Variants in ENTREP2 observed in about 807,000 individuals in gnomAD.
ENTREP2 encodes the protein endosomal transmembrane epsin interactor 2.
chr15:29,396,162 CATTATT>C, the ENTREP2 span, among the ~76,000 whole-genome samples: 3 of 152,102 alleles, frequency 2.0e-5, no homozygotes, highest in Non-Finnish European at 4.4e-5. Context: ...ATATACAGCA[CATTATT>C]ATTAAGTATA....
chr15:29,392,685 G>A, the ENTREP2 span, among the ~76,000 whole-genome samples: 1 of 152,170 alleles, frequency 6.6e-6, no homozygotes, highest in Non-Finnish European at 1.5e-5. Context: ...CTGTGCTACT[G>A]AATCTGTGAA....
chr15:29,355,830 A>T, the ENTREP2 span, among the ~76,000 whole-genome samples: 1 of 152,216 alleles, frequency 6.6e-6, no homozygotes, highest in African/African-American at 2.4e-5. Context: ...TCAGATAGTA[A>T]GCAAATGATG....
chr15:29,494,298 GA>G, the ENTREP2 span, among the ~76,000 whole-genome samples: 1 of 151,656 alleles, frequency 6.6e-6, no homozygotes, highest in Non-Finnish European at 1.5e-5. Context: ...CAGGTACCTA[GA>G]AAAAAACTAA....
the ENTREP2 span, among the ~76,000 whole-genome samples, chr15:29,585,358 C>A: frequency 1.4e-4 from 22 of 152,152 alleles, no homozygotes; most frequent in African/African-American, 5.3e-4. Context: ...TTGCGTGAAA[C>A]CCTCGAAAAA....
chr15:29,651,943 T>C, the ENTREP2 span, among the ~76,000 whole-genome samples: 1 of 152,104 alleles, frequency 6.6e-6, no homozygotes, highest in African/African-American at 2.4e-5. Context: ...ACCTTCTGGC[T>C]GGAGAAGATC....
chr15:29,650,547 C>T, the ENTREP2 span, among the ~76,000 whole-genome samples: 1 of 151,876 alleles, frequency 6.6e-6, no homozygotes, highest in Non-Finnish European at 1.5e-5. Flanking sequence ...GAGCCAAGAT[C>T]ACGCCATTGC....
the ENTREP2 span, among the ~76,000 whole-genome samples, chr15:29,338,205 G>A: frequency 0.022 from 3,359 of 152,012 alleles, 56 homozygotes; most frequent in African/African-American, 0.046. Context: ...ACAGTTTAGG[G>A]AGTGAGGAGT....
the ENTREP2 span, among the ~76,000 whole-genome samples, chr15:29,620,406 T>A: frequency 6.6e-6 from 1 of 152,080 alleles, no homozygotes; most frequent in Admixed American, 6.5e-5. Context: ...ACCTGGGCTG[T>A]GAAGCTTGTG....
chr15:29,486,706 CAAAA>C, the ENTREP2 span, among the ~76,000 whole-genome samples: 1 of 151,918 alleles, frequency 6.6e-6, no homozygotes, highest in African/African-American at 2.4e-5. Context: ...AACAAACAAA[CAAAA>C]AGAATGAAAT....
At chr15:29,428,658 C>T in the ENTREP2 span, among the ~76,000 whole-genome samples, 74 of 152,172 alleles carry the variant, frequency 4.9e-4, no homozygotes, top group Non-Finnish European at 8.2e-4. Context: ...GCCCAAATTC[C>T]AAATGTGTCA....
At chr15:29,157,507 T>C in the ENTREP2 span, among the ~76,000 whole-genome samples, 6 of 152,352 alleles carry the variant, frequency 3.9e-5, no homozygotes, top group East Asian at 9.7e-4. Flanking sequence ...GATTTATCCA[T>C]GTGCGCAGTA....
At chr15:29,225,374 C>T in the ENTREP2 span, among the ~76,000 whole-genome samples, 1 of 152,240 alleles carries the variant, frequency 6.6e-6, no homozygotes, top group African/African-American at 2.4e-5. Flanking sequence ...TCGGGGATCT[C>T]CCAAGAAATG....
At chr15:29,168,309 C>T in the ENTREP2 span, among the ~76,000 whole-genome samples, 1 of 152,048 alleles carries the variant, frequency 6.6e-6, no homozygotes, top group African/African-American at 2.4e-5. Context: ...ACCACCTGTA[C>T]CCCAATAACT....
the ENTREP2 span, among the ~76,000 whole-genome samples, chr15:29,486,915 G>T: frequency 6.6e-6 from 1 of 152,102 alleles, no homozygotes; most frequent in Non-Finnish European, 1.5e-5. Flanking sequence ...ATGATGAGAG[G>T]TTGGTTAATG....
chr15:29,506,819 C>T, the ENTREP2 span, among the ~76,000 whole-genome samples: 4 of 152,316 alleles, frequency 2.6e-5, no homozygotes, highest in South Asian at 8.3e-4. Flanking sequence ...AATGTAAAGA[C>T]TATCAACACT....
At chr15:29,629,437 A>G in the ENTREP2 span, among the ~76,000 whole-genome samples, 6 of 152,046 alleles carry the variant, frequency 3.9e-5, no homozygotes, top group East Asian at 1.2e-3. Context: ...TTTCATTTTG[A>G]TTTGTTCATA....
the ENTREP2 span, among the ~76,000 whole-genome samples, chr15:29,552,539 G>A: frequency 5.3e-5 from 8 of 152,020 alleles, no homozygotes; most frequent in African/African-American, 1.9e-4. Flanking sequence ...TTCAAGGCCA[G>A]CCTGGGCAAC....
At chr15:29,161,286 C>A in the ENTREP2 span, among the ~76,000 whole-genome samples, 1 of 152,296 alleles carries the variant, frequency 6.6e-6, no homozygotes, top group South Asian at 2.1e-4. Context: ...GACAGGGATT[C>A]CCCAAGCTCA....
chr15:29,337,148 A>G, the ENTREP2 span, among the ~76,000 whole-genome samples: 1 of 152,232 alleles, frequency 6.6e-6, no homozygotes, highest in African/African-American at 2.4e-5. Flanking sequence ...GCAGCGTTCA[A>G]AGAGTATCAT....
Sources: gnomAD v4.1 joint callset for allele counts (sites outside exome capture counted in the v4.1 genomes callset) on GRCh38, gnomAD v4.1.1 for gene constraint, MANE v1.5 for transcripts, NCBI Gene and HGNC (gene_info 2026-07-23, HGNC 2026-07-21) for gene names.